The following SPATA13 variants were observed in gnomAD, a reference collection of about 807,000 sequenced individuals.
The protein encoded by SPATA13 is spermatogenesis-associated protein 13.
Under a neutral mutation model 104.0 loss-of-function variants are expected in SPATA13, and 50 were observed. The ratio of observed to expected loss-of-function variants is 0.48; its 90% CI spans 0.38 to 0.61. SPATA13 has a LOEUF of 0.61. Ranked by LOEUF, SPATA13 falls within the 20% of genes least tolerant of loss-of-function variation. The probability of loss-of-function intolerance (pLI) is 0.00; values close to 1 mark genes in which losing one functional copy is unlikely to be tolerated. For missense variants in SPATA13, 1,524 were observed against 1,690.6 expected (o/e 0.90, Z 1.73); for synonymous variants, 606 against 667.5 (o/e 0.91, Z 1.42).
intron 3 of SPATA13, among the ~76,000 whole-genome samples, chr13:24,073,336 A>C (rs919478710): frequency 6.6e-6 from 1 of 152,258 alleles, no homozygotes; most frequent in Non-Finnish European, 1.5e-5. Flanking sequence ...GGCCCAGGCA[A>C]GTGGCTTATG....
intron 3 of SPATA13, among the ~76,000 whole-genome samples, chr13:24,106,915 G>GGTAGCC (rs1247707285): frequency 6.6e-6 from 1 of 152,166 alleles, no homozygotes; most frequent in Non-Finnish European, 1.5e-5. Context: ...GGATTCAAAA[G>GGTAGCC]GTAGCCATGT....
intron 3 of SPATA13, among the ~76,000 whole-genome samples, chr13:24,057,010 TC>T (rs1878577297): frequency 1.6e-5 from 1 of 64,050 alleles, no homozygotes; most frequent in African/African-American, 7.3e-5. Flanking sequence ...TTTCTTTCTC[TC>T]TCTCTCTCTC....
At chr13:24,036,317 C>G (rs144226447) in intron 3 of SPATA13, among the ~76,000 whole-genome samples, 3 of 152,308 alleles carry the variant, frequency 2.0e-5, no homozygotes, top group African/African-American at 7.2e-5. Context: ...CTTATCTGTT[C>G]TTACATTTAG....
intron 2 of SPATA13, among the ~76,000 whole-genome samples, chr13:24,000,964 T>C (rs1450147994): frequency 6.6e-6 from 1 of 152,186 alleles, no homozygotes; most frequent in Non-Finnish European, 1.5e-5. Context: ...CCTAGGCTGC[T>C]GTAACATAGC....
chr13:24,261,433 G>A (rs1401716959), intron 4 of SPATA13, among the ~76,000 whole-genome samples: 1 of 152,152 alleles, frequency 6.6e-6, no homozygotes, highest in Non-Finnish European at 1.5e-5. Flanking sequence ...TGATTGTGAA[G>A]CTCTGATTTT....
chr13:24,084,832 G>A (rs1879666869), intron 3 of SPATA13, among the ~76,000 whole-genome samples: 1 of 151,958 alleles, frequency 6.6e-6, no homozygotes, highest in Non-Finnish European at 1.5e-5. Context: ...GACCAGCCTG[G>A]GCAACATAGC....
chr13:24,170,822 T>C (rs934584536), intron 1 of SPATA13, among the ~76,000 whole-genome samples: 3 of 152,072 alleles, frequency 2.0e-5, no homozygotes, highest in African/African-American at 4.8e-5. Context: ...CTTTTAGTCA[T>C]TGAGAGACAA....
intron 1 of SPATA13, among the ~76,000 whole-genome samples, chr13:24,215,267 A>G (rs1871215290): frequency 6.6e-6 from 1 of 152,224 alleles, no homozygotes; most frequent in African/African-American, 2.4e-5. Flanking sequence ...GGCTTGCAAG[A>G]AAACAATATG....
At chr13:24,132,772 G>C (rs1019794997) in intron 3 of SPATA13, among the ~76,000 whole-genome samples, 2 of 152,020 alleles carry the variant, frequency 1.3e-5, no homozygotes, top group African/African-American at 4.8e-5. Context: ...TCAAGAGTTC[G>C]AGACCAGCCT....
intron 3 of SPATA13, among the ~76,000 whole-genome samples, chr13:24,048,578 A>G (rs1456729615): frequency 6.6e-6 from 1 of 152,162 alleles, no homozygotes; most frequent in Non-Finnish European, 1.5e-5. Context: ...TCTCCTTTGT[A>G]CTTTATAAAA....
chr13:24,014,580 T>G (rs1487325169), intron 2 of SPATA13, among the ~76,000 whole-genome samples: 2 of 152,224 alleles, frequency 1.3e-5, no homozygotes, highest in Non-Finnish European at 2.9e-5. Flanking sequence ...AAAATATATT[T>G]ATTCATTAAG....
intron 3 of SPATA13, among the ~76,000 whole-genome samples, chr13:24,153,136 A>G (rs549715653): frequency 1.3e-4 from 20 of 152,344 alleles, no homozygotes; most frequent in African/African-American, 4.8e-4. Flanking sequence ...TGATTTTATC[A>G]TCTGCATCTC....
At chr13:24,115,271 C>G (rs943661369) in intron 3 of SPATA13, among the ~76,000 whole-genome samples, 2 of 152,216 alleles carry the variant, frequency 1.3e-5, no homozygotes, top group Non-Finnish European at 2.9e-5. Flanking sequence ...CTAGCCATGT[C>G]CATGACCAAC....
At chr13:24,006,740 A>T (rs1236554726) in intron 2 of SPATA13, among the ~76,000 whole-genome samples, 1 of 152,160 alleles carries the variant, frequency 6.6e-6, no homozygotes, top group African/African-American at 2.4e-5. Flanking sequence ...TGGAGCTGGG[A>T]GAGCACCGGG....
At chr13:24,074,597 G>GTTA (rs1179604334) in intron 3 of SPATA13, among the ~76,000 whole-genome samples, 1 of 151,670 alleles carries the variant, frequency 6.6e-6, no homozygotes, top group East Asian at 1.9e-4. Context: ...TGAGTTAGGA[G>GTTA]TTATTATTAT....
chr13:24,114,384 C>A (rs148566534), intron 3 of SPATA13, among the ~76,000 whole-genome samples: 1 of 152,160 alleles, frequency 6.6e-6, no homozygotes, highest in African/African-American at 2.4e-5. Context: ...TGCACATGCG[C>A]GTGTGTGTGC....
intron 1 of SPATA13, among the ~76,000 whole-genome samples, chr13:24,174,859 G>T (rs576374967): frequency 1.3e-5 from 2 of 152,176 alleles, no homozygotes; most frequent in African/African-American, 4.8e-5. Flanking sequence ...GATTACAGGC[G>T]TGAGCCCCTG....
At chr13:24,097,877 C>A (rs1207593868) in intron 3 of SPATA13, among the ~76,000 whole-genome samples, 1 of 152,108 alleles carries the variant, frequency 6.6e-6, no homozygotes, top group East Asian at 1.9e-4. Flanking sequence ...AGAACAGAAT[C>A]AAATTAAACA....
chr13:24,045,870 G>T (rs2137735023), intron 3 of SPATA13, among the ~76,000 whole-genome samples: 1 of 152,136 alleles, frequency 6.6e-6, no homozygotes, highest in East Asian at 1.9e-4. Context: ...CAGATGAACT[G>T]ATTCCATTCT....
Sources: allele counts gnomAD v4.1 joint callset (sites outside exome capture counted in the v4.1 genomes callset), GRCh38; gene constraint gnomAD v4.1.1; transcripts MANE v1.5; gene names NCBI Gene and HGNC (gene_info 2026-07-23, HGNC 2026-07-21).